The following TENM2 variants were observed in gnomAD, a reference collection of about 807,000 sequenced individuals.
TENM2 encodes teneurin transmembrane protein 2.
TENM2 carries 52 observed loss-of-function variants against 245.2 expected under a neutral mutation model. The observed-to-expected ratio is 0.21, with a 90% confidence interval of 0.17 to 0.27. The LOEUF (loss-of-function observed/expected upper bound fraction) is 0.27, where lower values mean the gene tolerates loss of function less well. Among genes scored for constraint, TENM2 ranks in the 10% least tolerant of loss-of-function variants. TENM2 has a pLI of 1.00. For synonymous variants in TENM2, 1,363 were observed against 1,438.9 expected, an observed-to-expected ratio of 0.95 and a Z score of 1.19; for missense variants, 3,046 against 3,666.8, an observed-to-expected ratio of 0.83 and a Z score of 4.37.
chr5:167,414,805 C>G (rs1763082785), intron 2 of TENM2, among the ~76,000 whole-genome samples: 1 of 152,120 alleles, frequency 6.6e-6, no homozygotes, highest in South Asian at 2.1e-4. Flanking sequence ...GATCACTCAT[C>G]TTCAGGCTTC....
At chr5:168,167,439 G>A (rs547328649) in intron 13 of TENM2, among the ~76,000 whole-genome samples, 17 of 152,218 alleles carry the variant, frequency 1.1e-4, no homozygotes, top group Non-Finnish European at 1.8e-4. Flanking sequence ...AGCCGGCATC[G>A]GAGTGAGTCT....
At chr5:167,660,606 G>C (rs929024522) in intron 2 of TENM2, 1 of 151,226 alleles carries the variant, frequency 6.6e-6, no homozygotes, top group African/African-American at 2.4e-5. Flanking sequence ...CATATTAAAG[G>C]CTCTAAGAAG....
At chr5:168,154,166 A>C (rs1446177083) in intron 12 of TENM2, among the ~76,000 whole-genome samples, 1 of 149,714 alleles carries the variant, frequency 6.7e-6, no homozygotes, top group Non-Finnish European at 1.5e-5. Flanking sequence ...AAAAAAAAAA[A>C]CAGTAAGAGC....
At chr5:167,161,003 CTG>C in the TENM2 span, among the ~76,000 whole-genome samples, 12,612 of 152,286 alleles carry the variant, frequency 0.083, 672 homozygotes, top group Middle Eastern at 0.19. Flanking sequence ...TTTTTCCAAA[CTG>C]TGTTCCTTGA....
chr5:167,904,337 C>T (rs576812203), intron 3 of TENM2, among the ~76,000 whole-genome samples: 1 of 152,270 alleles, frequency 6.6e-6, no homozygotes, highest in East Asian at 1.9e-4. Context: ...ATCACCTAGA[C>T]TCTATGTCTT....
At chr5:167,009,560 G>A in the TENM2 span, among the ~76,000 whole-genome samples, 6 of 152,130 alleles carry the variant, frequency 3.9e-5, no homozygotes, top group Non-Finnish European at 5.9e-5. Flanking sequence ...TGATAGAATC[G>A]TTGAATGGCA....
chr5:167,384,702 G>GCA (rs72135068), intron 2 of TENM2, among the ~76,000 whole-genome samples: 55,084 of 146,912 alleles, frequency 0.37, 11,051 homozygotes, highest in African/African-American at 0.58. Context: ...GCACACGCGT[G>GCA]CGCGCACACA....
intron 9 of TENM2, among the ~76,000 whole-genome samples, chr5:168,099,699 C>G (rs1291694276): frequency 6.6e-6 from 1 of 152,166 alleles, no homozygotes; most frequent in Non-Finnish European, 1.5e-5. Context: ...CGCAATTGCT[C>G]TGAAAAATAC....
chr5:166,996,242 G>C, the TENM2 span, among the ~76,000 whole-genome samples: 6,412 of 152,032 alleles, frequency 0.042, 184 homozygotes, highest in South Asian at 0.095. Context: ...ACTTGTGAGG[G>C]TGAGGCAGGA....
chr5:167,177,981 C>T, the TENM2 span, among the ~76,000 whole-genome samples: 1 of 152,172 alleles, frequency 6.6e-6, no homozygotes, highest in African/African-American at 2.4e-5. Context: ...TGAATGGTAA[C>T]AGCATGATCA....
chr5:167,031,514 G>GT, the TENM2 span, among the ~76,000 whole-genome samples: 1 of 152,242 alleles, frequency 6.6e-6, no homozygotes, highest in Non-Finnish European at 1.5e-5. Context: ...TGAATGGCTT[G>GT]TTAACATTGG....
intron 1 of TENM2, among the ~76,000 whole-genome samples, chr5:167,339,474 T>A (rs750319904): frequency 1.3e-5 from 2 of 152,198 alleles, no homozygotes; most frequent in Admixed American, 6.5e-5. Context: ...TTAACCATAC[T>A]CATAGTGTTG....
intron 12 of TENM2, among the ~76,000 whole-genome samples, chr5:168,150,302 A>G (rs1327237214): frequency 1.3e-5 from 2 of 152,254 alleles, no homozygotes; most frequent in African/African-American, 4.8e-5. Flanking sequence ...CTAATCATTC[A>G]GTAAATGTTT....
chr5:168,219,037 C>T, intron 23 of TENM2, 38 bp downstream of exon 25: 2 of 1,582,686 alleles, frequency 1.3e-6, no homozygotes, highest in Non-Finnish European at 1.7e-6. Context: ...AGAGCCCTTC[C>T]CTTGCCCTAG....
the TENM2 span, among the ~76,000 whole-genome samples, chr5:167,266,854 T>C: frequency 6.6e-6 from 1 of 152,200 alleles, no homozygotes; most frequent in East Asian, 1.9e-4. Context: ...GAAATGTGAA[T>C]GTGCCATGCT....
chr5:167,966,842 C>T (rs1781419756), intron 4 of TENM2: 1 of 152,164 alleles, frequency 6.6e-6, no homozygotes, highest in African/African-American at 2.4e-5. Flanking sequence ...GAACCAAATG[C>T]ATCGAAGCAC....
the TENM2 span, among the ~76,000 whole-genome samples, chr5:167,101,491 T>G: frequency 2.0e-5 from 3 of 152,140 alleles, no homozygotes; most frequent in Non-Finnish European, 4.4e-5. Flanking sequence ...CAAGCTCCTG[T>G]GCAGTGTGAC....
chr5:168,090,701 T>C, exon 8 of TENM2: 1 of 1,613,904 alleles, frequency 6.2e-7, no homozygotes, highest in Non-Finnish European at 8.5e-7. Context: ...GATGTGGGCC[T>C]GTGGCATCTG....
At chr5:167,218,318 AT>A in the TENM2 span, among the ~76,000 whole-genome samples, 2 of 152,130 alleles carry the variant, frequency 1.3e-5, no homozygotes, top group African/African-American at 4.8e-5. Flanking sequence ...AATTATGAAT[AT>A]TGCTTGAGAA....
Sources: allele counts gnomAD v4.1 joint callset (sites outside exome capture counted in the v4.1 genomes callset), GRCh38; gene constraint gnomAD v4.1.1; transcripts MANE v1.5; gene names NCBI Gene and HGNC (gene_info 2026-07-23, HGNC 2026-07-21).